The following VWC2 variants were observed in gnomAD, a reference collection of about 807,000 sequenced individuals.
VWC2 encodes the protein brorin.
Under a neutral mutation model 29.8 loss-of-function variants are expected in VWC2, and 14 were observed. That is an observed-to-expected ratio of 0.47 (90% CI 0.31 to 0.74). The LOEUF (loss-of-function observed/expected upper bound fraction) is 0.74, where lower values mean the gene tolerates loss of function less well. Ranked by LOEUF, VWC2 falls within the 30% of genes least tolerant of loss-of-function variation. The pLI is 0.05. For synonymous variants in VWC2, 213 were observed against 199.0 expected (o/e 1.07, Z -0.59); for missense variants, 457 against 459.8 (o/e 0.99, Z 0.05).
At position 49,825,013 on chromosome 7, in the gene VWC2, T is replaced by G. The variant is rs377391633; in HGVS notation, c.826+22173T>G. 7.9e-5 allele frequency among the ~76,000 whole-genome samples: 12 copies of G among 152,250 alleles called. No homozygotes were observed. In the East Asian group the frequency reaches 2.1e-3, roughly 27 times the overall value. On this transcript the variant is annotated intron_variant, in intron 3 of 3. Transcript: ENST00000340652. ...AAAACTTCTTATTTTATCCCACAGG[T>G]CTTTAAGGATTTGTTTATTTTCCCT...
intron 2 of VWC2, among the ~76,000 whole-genome samples, chr7:49,792,601 CT>C (rs1788488783): frequency 6.6e-6 from 1 of 152,226 alleles, no homozygotes; most frequent in Admixed American, 6.5e-5. Context: ...CTGAGAATTG[CT>C]GTACTGTTGC....
intron 3 of VWC2, among the ~76,000 whole-genome samples, chr7:49,877,462 CAAAAAAA>C (rs1169480763): frequency 0.037 from 258 of 7,034 alleles, 22 homozygotes; most frequent in South Asian, 0.13. Context: ...AACTCTGTCT[CAAAAAAA>C]AAAAAAAAAA....
intron 3 of VWC2, among the ~76,000 whole-genome samples, chr7:49,890,632 CT>C (rs1374655297): frequency 6.6e-6 from 1 of 151,938 alleles, no homozygotes. Flanking sequence ...CCCAAAGCTA[CT>C]TTTAGCCATG....
At chr7:49,855,576 G>C (rs1367981476) in intron 3 of VWC2, among the ~76,000 whole-genome samples, 1 of 152,240 alleles carries the variant, frequency 6.6e-6, no homozygotes, top group Non-Finnish European at 1.5e-5. Context: ...GACCTGCCAA[G>C]CATTAGGTAG....
chr7:49,870,841 G>A (rs1314139483), intron 3 of VWC2, among the ~76,000 whole-genome samples: 2 of 152,222 alleles, frequency 1.3e-5, no homozygotes, highest in Non-Finnish European at 2.9e-5. Context: ...ATGCTTGTGG[G>A]AGAATCCCAG....
At chr7:49,819,705 G>A (rs1562717753) in intron 3 of VWC2, among the ~76,000 whole-genome samples, 1 of 152,192 alleles carries the variant, frequency 6.6e-6, no homozygotes, top group Non-Finnish European at 1.5e-5. Flanking sequence ...TTTTAGAGAA[G>A]TAAGGAGACA....
intron 3 of VWC2, among the ~76,000 whole-genome samples, chr7:49,834,713 CA>C (rs1469962543): frequency 2.6e-5 from 4 of 152,148 alleles, no homozygotes; most frequent in African/African-American, 9.7e-5. Context: ...AAGTAAGAAG[CA>C]AATCCCAGAG....
At chr7:49,806,668 G>T (rs1479129287) in intron 3 of VWC2, among the ~76,000 whole-genome samples, 2 of 152,190 alleles carry the variant, frequency 1.3e-5, no homozygotes, top group East Asian at 3.9e-4. Context: ...ATTTCATAGA[G>T]TAGGATAAGA....
rs1004401734 is a variant in VWC2 at position 49,774,006 on chromosome 7, G to A, written c.-211G>A. 3 of 151,760 alleles carry A rather than the reference G, an allele frequency of 2.0e-5. No homozygotes were observed. Among genetic ancestry groups the A allele is most frequent in the Non-Finnish European group, 4.4e-5 (3 of 67,920 alleles). 9.4% of individuals were successfully genotyped at this position (151,760 alleles called of 1,614,324 possible). ...GGGCTGTTAGTGGTCCGCCCCACGCGGGTCGCCGGCCGGCCCAGGATGGGC... is the reference window on the plus strand; with the variant it reads ...GGGCTGTTAGTGGTCCGCCCCACGCAGGTCGCCGGCCGGCCCAGGATGGGC... On this transcript the variant is annotated 5_prime_UTR_variant, in exon 1 of 4. Coordinates refer to ENST00000340652, the MANE Select transcript of VWC2 (RefSeq NM_198570.5).
At chr7:49,890,153 A>G (rs1376733294) in intron 3 of VWC2, among the ~76,000 whole-genome samples, 1 of 152,238 alleles carries the variant, frequency 6.6e-6, no homozygotes, top group African/African-American at 2.4e-5. Context: ...CAGATGAAGC[A>G]GAGCTCTGTG....
intron 3 of VWC2, among the ~76,000 whole-genome samples, chr7:49,828,060 C>G (rs1050683981): frequency 6.6e-6 from 1 of 152,176 alleles, no homozygotes; most frequent in East Asian, 1.9e-4. Flanking sequence ...ATACCTACTT[C>G]CAGTTTCTTT....
At position 49,913,454 on chromosome 7, in the gene VWC2, G is replaced by A. The variant is rs1437435638; in HGVS notation, c.*1269G>A. ...AGAGGTAATTGGAGTCTTAATAGGT[G>A]TAGGATAAAAAAAGCAAAACTATAA... is the stretch of plus-strand genomic sequence containing the variant. On this transcript the variant is annotated 3_prime_UTR_variant, in exon 4 of 4. Transcript: ENST00000340652. 6.6e-6 allele frequency: 1 copy of A among 152,146 alleles called. No homozygotes were observed. Among genetic ancestry groups the A allele is most frequent in the Non-Finnish European group, 1.5e-5 (1 of 68,016 alleles). The allele number at this position is 152,146 out of a possible 1,614,324, so 9.4% of individuals were successfully genotyped here. A position where few individuals can be genotyped will look rare whatever the true frequency, so the allele number is the denominator to read the frequency against.
At chr7:49,834,321 C>T (rs1459743616) in intron 3 of VWC2, among the ~76,000 whole-genome samples, 2 of 152,166 alleles carry the variant, frequency 1.3e-5, no homozygotes. Context: ...TTCCAGGGGA[C>T]TCTGTGGGAA....
chr7:49,777,491 C>T (rs2128700753), intron 2 of VWC2, among the ~76,000 whole-genome samples: 1 of 152,298 alleles, frequency 6.6e-6, no homozygotes, highest in Non-Finnish European at 1.5e-5. Flanking sequence ...AGGACTGGAA[C>T]AAAAGACATA....
chr7:49,825,949 T>A (rs758505568), intron 3 of VWC2, among the ~76,000 whole-genome samples: 4 of 152,124 alleles, frequency 2.6e-5, no homozygotes, highest in Non-Finnish European at 5.9e-5. Context: ...ACTTCAGTGA[T>A]CCCCACCACC....
intron 3 of VWC2, among the ~76,000 whole-genome samples, chr7:49,874,817 T>A (rs1791328403): frequency 6.6e-6 from 1 of 152,008 alleles, no homozygotes; most frequent in Non-Finnish European, 1.5e-5. Context: ...TTTTCCTACT[T>A]CAGTAAAGAT....
At chr7:49,882,148 A>G (rs1269585753) in intron 3 of VWC2, among the ~76,000 whole-genome samples, 1 of 152,164 alleles carries the variant, frequency 6.6e-6, no homozygotes, top group Non-Finnish European at 1.5e-5. Context: ...AAAACTGGTG[A>G]TATAATCAAT....
intron 3 of VWC2, among the ~76,000 whole-genome samples, chr7:49,899,900 C>CTA (rs1351230687): frequency 6.6e-6 from 1 of 151,840 alleles, no homozygotes; most frequent in East Asian, 1.9e-4. Flanking sequence ...GGAACCCTTA[C>CTA]TAAGATAGAC....
intron 3 of VWC2, among the ~76,000 whole-genome samples, chr7:49,824,281 G>A (rs547617012): frequency 3.5e-4 from 54 of 152,192 alleles, no homozygotes; most frequent in Non-Finnish European, 6.6e-4. Flanking sequence ...GTTGATGTTT[G>A]CTTTTGCCCA....
Sources: gnomAD v4.1 joint callset for allele counts (sites outside exome capture counted in the v4.1 genomes callset) on GRCh38, gnomAD v4.1.1 for gene constraint, MANE v1.5 for transcripts, NCBI Gene and HGNC (gene_info 2026-07-23, HGNC 2026-07-21) for gene names.